Variants in INO80 observed in about 807,000 individuals in gnomAD.
The protein encoded by INO80 is chromatin-remodeling ATPase INO80.
Under a neutral mutation model 203.4 loss-of-function variants are expected in INO80, and 20 were observed. The ratio of observed to expected loss-of-function variants is 0.10; its 90% CI spans 0.07 to 0.14. The LOEUF is 0.14. Ranked by LOEUF, INO80 falls within the 10% of genes least tolerant of loss-of-function variation. The pLI is 1.00. For synonymous variants in INO80, 726 were observed against 685.2 expected (o/e 1.06, Z -0.93); for missense variants, 1,419 against 1,914.4 (o/e 0.74, Z 4.83).
chr15:41,085,658 T>C, intron 6 of INO80, 75 bp from the exon 7 acceptor site: 4 of 1,142,192 alleles, frequency 3.5e-6, no homozygotes, highest in Non-Finnish European at 5.1e-6. Flanking sequence ...ACTTAAAACA[T>C]GCAAGGTTCT....
chr15:41,059,726 C>T, intron 15 of INO80, 141 bp downstream of exon 15: 1 of 546,036 alleles, frequency 1.8e-6, no homozygotes, highest in Non-Finnish European at 3.2e-6. Context: ...AGTATTGTAT[C>T]AGAAAAATGG....
chr15:41,054,873 C>T (rs931828389), intron 18 of INO80, among the ~76,000 whole-genome samples: 11 of 152,090 alleles, frequency 7.2e-5, no homozygotes, highest in Non-Finnish European at 8.8e-5. Context: ...CCTGACCTAA[C>T]GTGATCCGCC....
chr15:41,086,707 A>G (rs893391383), intron 6 of INO80, among the ~76,000 whole-genome samples: 1 of 152,088 alleles, frequency 6.6e-6, no homozygotes, highest in Non-Finnish European at 1.5e-5. Flanking sequence ...CCTCACAAAG[A>G]TAGTTTAAAA....
chr15:41,076,285 C>T (rs890048388), intron 9 of INO80, among the ~76,000 whole-genome samples: 1 of 151,934 alleles, frequency 6.6e-6, no homozygotes, highest in African/African-American at 2.4e-5. Flanking sequence ...CGCTTGAACC[C>T]AGGAGGAAAG....
At chr15:41,023,497 G>A (rs2925346) in intron 25 of INO80, among the ~76,000 whole-genome samples, 68,796 of 151,938 alleles carry the variant, frequency 0.45, 17,556 homozygotes, top group East Asian at 0.7. Flanking sequence ...ACTAAAGCGC[G>A]GTGGCTCACA....
chr15:40,989,010 G>A (rs1053278170), intron 29 of INO80, among the ~76,000 whole-genome samples: 8 of 40,908 alleles, frequency 2.0e-4, no homozygotes, highest in East Asian at 1.5e-3. Flanking sequence ...GTGAGCCTCC[G>A]TCTCAAAAAA....
intron 1 of INO80, among the ~76,000 whole-genome samples, chr15:41,108,386 T>C (rs1476273674): frequency 6.6e-6 from 1 of 151,502 alleles, no homozygotes; most frequent in Non-Finnish European, 1.5e-5. Flanking sequence ...TCAGGAGATC[T>C]AGACCATTCT....
intron 24 of INO80, among the ~76,000 whole-genome samples, chr15:41,038,343 T>C (rs1394452001): frequency 6.6e-6 from 1 of 152,014 alleles, no homozygotes; most frequent in Non-Finnish European, 1.5e-5. Flanking sequence ...TGCAAGACTC[T>C]TTTCTCTTAA....
intron 24 of INO80, among the ~76,000 whole-genome samples, chr15:41,042,934 T>C (rs552189348): frequency 1.1e-4 from 16 of 152,314 alleles, no homozygotes; most frequent in African/African-American, 2.4e-4. Flanking sequence ...CGTGGCCCAA[T>C]AGCTCATTAA....
chr15:41,030,881 C>T (rs532151611), intron 24 of INO80, among the ~76,000 whole-genome samples: 19 of 151,268 alleles, frequency 1.3e-4, no homozygotes, highest in Admixed American at 3.3e-4. Context: ...CATATTGGCC[C>T]GGCTGGTCTC....
chr15:41,083,857 G>T (rs1400791822), intron 7 of INO80, among the ~76,000 whole-genome samples: 2 of 151,764 alleles, frequency 1.3e-5, no homozygotes, highest in African/African-American at 4.8e-5. Context: ...CTACTAATTT[G>T]TAAGTCCACC....
At chr15:41,106,148 C>G (rs139640138) in intron 1 of INO80, among the ~76,000 whole-genome samples, 11 of 152,160 alleles carry the variant, frequency 7.2e-5, no homozygotes, top group African/African-American at 2.6e-4. Flanking sequence ...AATGCCAGCA[C>G]TTTGGGAAGC....
chr15:41,080,903 A>G, intron 8 of INO80, 117 bp downstream of exon 8: 1 of 710,266 alleles, frequency 1.4e-6, no homozygotes, highest in Non-Finnish European at 2.5e-6. Flanking sequence ...CTCTCTTACG[A>G]ACTATTAGAT....
chr15:41,038,935 C>T (rs984805807), intron 24 of INO80, among the ~76,000 whole-genome samples: 7 of 152,300 alleles, frequency 4.6e-5, no homozygotes, highest in Non-Finnish European at 7.4e-5. Context: ...CACTTGACCC[C>T]GAGGAATACA....
intron 5 of INO80, among the ~76,000 whole-genome samples, chr15:41,089,754 A>AG (rs2045608131): frequency 6.6e-6 from 1 of 152,134 alleles, no homozygotes; most frequent in South Asian, 2.1e-4. Context: ...AAAAAAAAAA[A>AG]AAAAGAAAGA....
intron 5 of INO80, among the ~76,000 whole-genome samples, chr15:41,088,954 C>A (rs2140648303): frequency 6.6e-6 from 1 of 151,912 alleles, no homozygotes; most frequent in South Asian, 2.1e-4. Context: ...TTTGGAAGGC[C>A]AAGGTGGGCA....
At position 41,022,783 on chromosome 15, in the gene INO80, A is replaced by C. The variant is rs139464909; in HGVS notation, c.3049-1658T>G. Among the ~76,000 whole-genome samples the C allele has an allele frequency of 2.7e-3, 410 of 152,150 alleles. 3 individuals carry two copies. Among genetic ancestry groups the C allele is most frequent in the South Asian group, 0.013 (62 of 4,820 alleles). ...TTTATCCAAACAATACTAGAATCTC[A>C]TATCACCTTTATCCTCTCCAAAAGG... On this transcript the variant is annotated intron_variant, in intron 25 of 35. Coordinates refer to ENST00000648947, the MANE Select transcript of INO80 (RefSeq NM_017553.3).
intron 16 of INO80, among the ~76,000 whole-genome samples, chr15:41,057,230 G>A (rs1030160593): frequency 1.3e-5 from 2 of 152,114 alleles, no homozygotes; most frequent in African/African-American, 4.8e-5. Flanking sequence ...CCAGCACTTT[G>A]GGAGGCTTGA....
intron 25 of INO80, chr15:41,023,157 T>G (rs1462820289): frequency 5.4e-6 from 2 of 373,564 alleles, no homozygotes; most frequent in African/African-American, 4.4e-5. Context: ...GCTTCCAACT[T>G]ATTCATTTTT....
Sources: allele counts gnomAD v4.1 joint callset (sites outside exome capture counted in the v4.1 genomes callset), GRCh38; gene constraint gnomAD v4.1.1; transcripts MANE v1.5; gene names NCBI Gene and HGNC (gene_info 2026-07-23, HGNC 2026-07-21).